GKAP1: variants seen among roughly 807,000 people sequenced by gnomAD.
GKAP1 encodes G kinase anchoring protein 1.
Under a neutral mutation model 56.7 loss-of-function variants are expected in GKAP1, and 31 were observed. That is an observed-to-expected ratio of 0.55 (90% CI 0.41 to 0.74). The LOEUF (loss-of-function observed/expected upper bound fraction) is 0.74. Ranked by LOEUF, GKAP1 falls within the 30% of genes least tolerant of loss-of-function variation. The pLI is 0.00. For missense variants in GKAP1, 364 were observed against 402.3 expected (o/e 0.90, Z 0.82); for synonymous variants, 151 against 138.6 (o/e 1.09, Z -0.63).
intron 7 of GKAP1, among the ~76,000 whole-genome samples, chr9:83,777,138 C>G (rs1055588952): frequency 1.2e-4 from 19 of 152,336 alleles, no homozygotes; most frequent in African/African-American, 4.1e-4. Flanking sequence ...ATATCTCCCC[C>G]ACTGCCACCT....
At chr9:83,797,992 T>G (rs1360171161) in intron 4 of GKAP1, among the ~76,000 whole-genome samples, 3 of 152,182 alleles carry the variant, frequency 2.0e-5, no homozygotes, top group Admixed American at 1.3e-4. Context: ...TACAAGATGA[T>G]TTATCCAGTA....
chr9:83,741,975 G>T lies in GKAP1; in HGVS notation c.1030C>A (p.Gln344Lys). The T allele has an allele frequency of 6.3e-7, 1 of 1,591,892 alleles. No individual in the cohort carries two copies. ...EQERSKVKVL[Q>K]AELAKYQGGR... Reference sequence around the variant, plus strand: ...ACCTGGTATTTGGCTAACTCTGCTTGTAATACTTTCACTTTAGATCTTTCT... The same window carrying T: ...ACCTGGTATTTGGCTAACTCTGCTTTTAATACTTTCACTTTAGATCTTTCT... Residue 344 changes from glutamine to lysine, a missense_variant, in exon 12 of 13, where the codon CAA becomes AAA. Transcript: ENST00000376371.
chr9:83,804,426 A>T (rs1200036816), intron 3 of GKAP1, among the ~76,000 whole-genome samples: 21 of 68,804 alleles, frequency 3.1e-4, no homozygotes, highest in Admixed American at 7.9e-4. Context: ...CCGGCCAGCC[A>T]CCCCGTCCGG....
intron 8 of GKAP1, 102 bp downstream of exon 8, chr9:83,768,716 C>A (rs1433814148): frequency 3.0e-6 from 3 of 988,464 alleles, no homozygotes; most frequent in Admixed American, 2.5e-5. Context: ...TAAACTACTA[C>A]TTTATACAAT....
intron 2 of GKAP1, among the ~76,000 whole-genome samples, chr9:83,806,946 C>T (rs1940591146): frequency 6.6e-6 from 1 of 152,030 alleles, no homozygotes; most frequent in African/African-American, 2.4e-5. Context: ...AGTCCAACTA[C>T]ATGTTAACTC....
chr9:83,773,764 C>T (rs1943803380), intron 7 of GKAP1, among the ~76,000 whole-genome samples: 1 of 152,050 alleles, frequency 6.6e-6, no homozygotes, highest in Non-Finnish European at 1.5e-5. Context: ...TGAAAATTTT[C>T]ATCCATATAC....
chr9:83,792,985 C>T, intron 4 of GKAP1: 1 of 1,278,928 alleles, frequency 7.8e-7, no homozygotes, highest in Non-Finnish European at 1.0e-6. Context: ...GATCCCCTTC[C>T]TCTTGACTTC....
intron 3 of GKAP1, among the ~76,000 whole-genome samples, chr9:83,802,746 G>C (rs548520464): frequency 6.6e-6 from 1 of 151,980 alleles, no homozygotes; most frequent in East Asian, 1.9e-4. Flanking sequence ...AGGACTGCTT[G>C]AACCCAGGAG....
At position 83,814,745 on chromosome 9, in the gene GKAP1, T is replaced by A. The variant is rs374877402; in HGVS notation, c.-44+2251A>T. 1.5e-4 allele frequency among the ~76,000 whole-genome samples: 23 copies of A among 152,370 alleles called. No homozygotes were observed. In the South Asian group the frequency reaches 3.1e-3, roughly 21 times the overall value. On this transcript the variant is annotated intron_variant, in intron 2 of 12. Transcript: ENST00000376371. Reference sequence around the variant, plus strand: ...AATATGTGAAGTGCACAATAGACAATCCTCAATTCCCATAACGCAGATGTG... The same window carrying A: ...AATATGTGAAGTGCACAATAGACAAACCTCAATTCCCATAACGCAGATGTG...
rs920529054 is a variant in GKAP1 at position 83,742,554 on chromosome 9, A to C, written c.951T>G (p.Ser317Arg). 8 of 1,612,426 alleles carry C rather than the reference A, an allele frequency of 5.0e-6. No homozygotes were observed. Among genetic ancestry groups the C allele is most frequent in the Non-Finnish European group, 6.8e-6 (8 of 1,179,334 alleles). Residue 317 changes from serine (S) to arginine (R), a missense_variant, in exon 11 of 13, where the codon AGT (serine) becomes AGG (arginine). Transcript: ENST00000376371. ...EILLQVDESQSIKNELTIQVT... is the reference protein window; with the variant it reads ...EILLQVDESQRIKNELTIQVT... ...CCTGAATAGTGAGCTCATTCTTGAT[A>C]CTTTGTGATTCATCAACTTGCAGAA...
intron 8 of GKAP1, among the ~76,000 whole-genome samples, chr9:83,758,422 T>G (rs1943512474): frequency 6.6e-6 from 1 of 152,252 alleles, no homozygotes; most frequent in South Asian, 2.1e-4. Context: ...GGCATTTTCC[T>G]AGAAAAACAC....
At chr9:83,750,757 T>C (rs1943375400) in intron 9 of GKAP1, among the ~76,000 whole-genome samples, 1 of 152,244 alleles carries the variant, frequency 6.6e-6, no homozygotes, top group Non-Finnish European at 1.5e-5. Context: ...AAATTACTTA[T>C]TCAATGCTTG....
At chr9:83,813,962 T>A (rs1460811546) in intron 2 of GKAP1, among the ~76,000 whole-genome samples, 1 of 152,126 alleles carries the variant, frequency 6.6e-6, no homozygotes, top group Non-Finnish European at 1.5e-5. Flanking sequence ...TTAGCAGGCA[T>A]AGTGGTGCAT....
intron 8 of GKAP1, among the ~76,000 whole-genome samples, chr9:83,763,742 T>C (rs181710247): frequency 1.6e-4 from 24 of 152,300 alleles, no homozygotes; most frequent in East Asian, 1.3e-3. Context: ...TAATTATCTA[T>C]TGAGTGCATA....
At chr9:83,741,884 T>C (rs1943214821) in intron 12 of GKAP1, 68 bp downstream of exon 12, 1 of 934,536 alleles carries the variant, frequency 1.1e-6, no homozygotes, top group African/African-American at 1.7e-5. Context: ...ACTGCATTTA[T>C]TCTCACACAG....
chr9:83,779,524 CGTGTATATGTGT>C (rs1943927479), intron 7 of GKAP1, among the ~76,000 whole-genome samples: 1 of 120,314 alleles, frequency 8.3e-6, no homozygotes, highest in African/African-American at 3.3e-5. Flanking sequence ...TATATATACA[CGTGTATATGTGT>C]ATATATATAC....
intron 2 of GKAP1, among the ~76,000 whole-genome samples, chr9:83,809,441 T>C (rs1444078876): frequency 6.6e-6 from 1 of 152,230 alleles, no homozygotes; most frequent in Non-Finnish European, 1.5e-5. Flanking sequence ...CAAGTCCTAG[T>C]AATCTACCTC....
chr9:83,796,445 C>T (rs4877265), intron 4 of GKAP1, among the ~76,000 whole-genome samples: 82,029 of 151,974 alleles, frequency 0.54, 23,040 homozygotes, highest in Admixed American at 0.69. Flanking sequence ...ATTTTACTTC[C>T]TAAATTTTAA....
At chr9:83,803,443 C>T (rs1035734543) in intron 3 of GKAP1, among the ~76,000 whole-genome samples, 39 of 152,316 alleles carry the variant, frequency 2.6e-4, no homozygotes, top group African/African-American at 8.7e-4. Context: ...TTGGTGGAGA[C>T]GGGGTTTCGC....
Sources: gnomAD v4.1 joint callset for allele counts (sites outside exome capture counted in the v4.1 genomes callset) on GRCh38, gnomAD v4.1.1 for gene constraint, MANE v1.5 for transcripts, NCBI Gene and HGNC (gene_info 2026-07-23, HGNC 2026-07-21) for gene names.